The following SSBP2 variants were observed in gnomAD, a reference collection of about 807,000 sequenced individuals.
The protein encoded by SSBP2 is single stranded DNA binding protein 2.
A neutral mutation model predicts 61.8 loss-of-function variants in SSBP2; 17 were observed. The observed-to-expected ratio is 0.28, with a 90% CI of 0.19 to 0.41. SSBP2 has a LOEUF of 0.41. SSBP2 is among the 10% of genes least tolerant of loss of function. The pLI, the probability that SSBP2 is intolerant of heterozygous loss-of-function variation, is 1.00. For synonymous variants in SSBP2, 139 were observed against 141.3 expected, an observed-to-expected ratio of 0.98 and a Z score of 0.12; for missense variants, 310 against 458.7, an observed-to-expected ratio of 0.68 and a Z score of 2.96.
At chr5:81,548,909 G>A (rs936104365) in intron 4 of SSBP2, among the ~76,000 whole-genome samples, 46 of 152,002 alleles carry the variant, frequency 3.0e-4, no homozygotes, top group Admixed American at 2.7e-3. Context: ...GCGACAGAGC[G>A]AGACTCCATC....
At chr5:81,649,491 G>A (rs1345414075) in intron 2 of SSBP2, among the ~76,000 whole-genome samples, 2 of 152,028 alleles carry the variant, frequency 1.3e-5, no homozygotes, top group East Asian at 1.9e-4. Context: ...TTAAGCTGGA[G>A]GCCATAATAA....
At chr5:81,471,649 T>A (rs899874649) in intron 8 of SSBP2, among the ~76,000 whole-genome samples, 1 of 151,972 alleles carries the variant, frequency 6.6e-6, no homozygotes, top group Non-Finnish European at 1.5e-5. Flanking sequence ...CTAATATGAA[T>A]AGAAATAGGT....
chr5:81,729,606 A>G (rs945286831), intron 1 of SSBP2, among the ~76,000 whole-genome samples: 1 of 152,174 alleles, frequency 6.6e-6, no homozygotes, highest in African/African-American at 2.4e-5. Context: ...TCTATACTTA[A>G]AGGCTTACTC....
At chr5:81,483,576 G>T (rs895341457) in intron 6 of SSBP2, among the ~76,000 whole-genome samples, 1 of 152,080 alleles carries the variant, frequency 6.6e-6, no homozygotes, top group South Asian at 2.1e-4. Context: ...AACCCAGAAA[G>T]TCTAAGCGAC....
At chr5:81,605,971 C>G (rs1937260083) in intron 4 of SSBP2, among the ~76,000 whole-genome samples, 1 of 152,096 alleles carries the variant, frequency 6.6e-6, no homozygotes, top group Non-Finnish European at 1.5e-5. Context: ...CAAAGAGTAT[C>G]TGGGAAATAG....
At chr5:81,661,124 G>A (rs575349978) in intron 1 of SSBP2, among the ~76,000 whole-genome samples, 3 of 152,226 alleles carry the variant, frequency 2.0e-5, no homozygotes, top group South Asian at 2.1e-4. Flanking sequence ...TGTATACTAC[G>A]TAACAAATCT....
chr5:81,751,345 C>T (rs1757758850), upstream of SSBP2: 1 of 501,618 alleles, frequency 2.0e-6, no homozygotes, highest in Non-Finnish European at 3.6e-6. Flanking sequence ...CGCTCTCCTT[C>T]CCCCTCCCCC....
intron 4 of SSBP2, among the ~76,000 whole-genome samples, chr5:81,586,609 A>G (rs1180177656): frequency 6.9e-6 from 1 of 144,052 alleles, no homozygotes; most frequent in Non-Finnish European, 1.5e-5. Flanking sequence ...GGATCTTCAG[A>G]GTCTAACTGC....
At chr5:81,636,437 C>A in intron 3 of SSBP2, 120 bp downstream of exon 3, 1 of 770,454 alleles carries the variant, frequency 1.3e-6, no homozygotes, top group Non-Finnish European at 1.9e-6. Context: ...AAAGTGCTAC[C>A]TTCCAGAAAA....
At chr5:81,594,262 T>G (rs1743461585) in intron 4 of SSBP2, among the ~76,000 whole-genome samples, 1 of 152,016 alleles carries the variant, frequency 6.6e-6, no homozygotes, top group Non-Finnish European at 1.5e-5. Context: ...TACATAATGG[T>G]AAAGGGATCA....
At chr5:81,565,741 T>C (rs1237260601) in intron 4 of SSBP2, among the ~76,000 whole-genome samples, 3 of 152,150 alleles carry the variant, frequency 2.0e-5, no homozygotes, top group African/African-American at 4.8e-5. Context: ...TCAGAGTAGA[T>C]ACTTTAAAAG....
chr5:81,588,855 A>G (rs1775275652), intron 4 of SSBP2, among the ~76,000 whole-genome samples: 1 of 152,108 alleles, frequency 6.6e-6, no homozygotes, highest in African/African-American at 2.4e-5. Flanking sequence ...CCTGAGCCCA[A>G]GAGTTGGAGA....
At chr5:81,469,064 A>C (rs1250253964) in intron 8 of SSBP2, among the ~76,000 whole-genome samples, 2 of 151,882 alleles carry the variant, frequency 1.3e-5, no homozygotes, top group Non-Finnish European at 2.9e-5. Flanking sequence ...ATTTCCCCTC[A>C]TTTTTGATCT....
chr5:81,473,703 T>C lies in SSBP2; in HGVS notation c.567A>G (p.Pro189=). ...TAAATATGCACTGATTATTTACCTGTGGTCCTAAGGGCACCATTCCTCTTG... is the reference window on the plus strand; with the variant it reads ...TAAATATGCACTGATTATTTACCTGCGGTCCTAAGGGCACCATTCCTCTTG... The change falls in exon 8 of 17, where the codon CCA becomes CCG. Residue 189 remains proline (P), a synonymous_variant. Coordinates refer to ENST00000320672, the MANE Select transcript of SSBP2 (RefSeq NM_012446.5). The C allele has an allele frequency of 1.2e-6, 2 of 1,613,896 alleles. No homozygotes were observed. The highest frequency in any genetic ancestry group is 1.7e-6 in the Non-Finnish European group (2 of 1,179,828).
intron 5 of SSBP2, among the ~76,000 whole-genome samples, chr5:81,501,266 T>TATATAC (rs1561475358): frequency 1.1e-4 from 4 of 36,956 alleles, no homozygotes; most frequent in Non-Finnish European, 2.0e-4. Flanking sequence ...TATATATATA[T>TATATAC]ATACACACAC....
chr5:81,631,619 G>T (rs1043411090), intron 3 of SSBP2, among the ~76,000 whole-genome samples: 10 of 151,962 alleles, frequency 6.6e-5, no homozygotes, highest in Admixed American at 6.5e-4. Context: ...TTTAAACACT[G>T]CCTGGCAATA....
chr5:81,453,496 G>A (rs1477712411), intron 10 of SSBP2, among the ~76,000 whole-genome samples: 1 of 134,290 alleles, frequency 7.4e-6, no homozygotes, highest in East Asian at 2.1e-4. Flanking sequence ...TCTTGCCGTC[G>A]CCCAGGCTGG....
chr5:81,548,810 T>C (rs1771950067), intron 4 of SSBP2, among the ~76,000 whole-genome samples: 1 of 152,076 alleles, frequency 6.6e-6, no homozygotes, highest in South Asian at 2.1e-4. Context: ...TAGTCACAGC[T>C]ACTCGGGAGG....
At chr5:81,448,121 C>T (rs1435523628) in intron 11 of SSBP2, 2 of 152,012 alleles carry the variant, frequency 1.3e-5, no homozygotes, top group Non-Finnish European at 2.9e-5. Context: ...TAGGTGTTTC[C>T]CTCTAAATGG....
Sources: gnomAD v4.1 joint callset for allele counts (sites outside exome capture counted in the v4.1 genomes callset) on GRCh38, gnomAD v4.1.1 for gene constraint, MANE v1.5 for transcripts, NCBI Gene and HGNC (gene_info 2026-07-23, HGNC 2026-07-21) for gene names.